ZIM2: variants seen among roughly 807,000 people sequenced by gnomAD.
ZIM2 encodes zinc finger imprinted 2.
ZIM2 carries 14 observed loss-of-function variants against 38.6 expected under a neutral mutation model. The ratio of observed to expected loss-of-function variants is 0.36; its 90% CI spans 0.24 to 0.57. ZIM2 has a LOEUF of 0.57. Ranked by LOEUF, ZIM2 falls within the 20% of genes least tolerant of loss-of-function variation. The pLI is 0.81. For synonymous variants in ZIM2, 247 were observed against 245.8 expected (o/e 1.00, Z -0.04); for missense variants, 680 against 695.1 (o/e 0.98, Z 0.24).
intron 8 of ZIM2, 137 bp from the exon 9 acceptor site, chr19:56,817,975 T>G: frequency 1.5e-6 from 1 of 661,852 alleles, no homozygotes; most frequent in East Asian, 2.7e-5. Flanking sequence ...CAGAAGACAT[T>G]TGCTGTCTCA....
intron 9 of ZIM2, among the ~76,000 whole-genome samples, chr19:56,796,615 C>T (rs746727228): frequency 6.6e-6 from 1 of 152,180 alleles, no homozygotes; most frequent in Non-Finnish European, 1.5e-5. Context: ...GCTGCTCACC[C>T]ATGGACAACT....
chr19:56,796,596 T>C (rs563875289), intron 9 of ZIM2, among the ~76,000 whole-genome samples: 1 of 152,276 alleles, frequency 6.6e-6, no homozygotes, highest in South Asian at 2.1e-4. Context: ...AAGCAAAGCT[T>C]ACCCTCTGGC....
At chr19:56,838,376 C>G (rs1224100568) in intron 1 of ZIM2, among the ~76,000 whole-genome samples, 1 of 152,184 alleles carries the variant, frequency 6.6e-6, no homozygotes, top group Non-Finnish European at 1.5e-5. Context: ...GTGGCTAGCA[C>G]AGACAGTACC....
At position 56,802,873 on chromosome 19, in the gene ZIM2, C is replaced by T. The variant is rs193148172; in HGVS notation, c.491-12922G>A. Among the ~76,000 whole-genome samples, 338 of 152,310 alleles carry T rather than the reference C, an allele frequency of 2.2e-3. 2 individuals are homozygous for T. Among genetic ancestry groups the T allele is most frequent in the African/African-American group, 7.3e-3 (302 of 41,572 alleles). On this transcript the variant is annotated intron_variant, in intron 9 of 12. Transcript: ENST00000629319. ...TTCCAAAAGCTAAAAACCCAGCTCA[C>T]GAGAGACCCAGAATTAGCCCTACCT...
In ZIM2 at chr19:56,830,716, T is replaced by C. The variant is rs578061279; in HGVS notation, c.-226-4253A>G. On this transcript the variant is annotated intron_variant, in intron 2 of 12. Transcript: ENST00000629319. The stretch of plus-strand genomic sequence containing the variant: ...AGCAAAACAAATAAATAAATCTCCA[T>C]AAATAAATTTAACAAAGTTACCTGC... Among the ~76,000 whole-genome samples, 16 of 152,252 alleles carry C rather than the reference T, an allele frequency of 1.1e-4. No individual in the cohort carries two copies. The South Asian group carries it at 1.2e-3, about 12-fold the overall frequency.
In ZIM2 at chr19:56,818,640, G is replaced by C; in HGVS notation, c.357C>G (p.Ile119Met). Residue 119 changes from isoleucine (I) to methionine (M), a missense_variant, in exon 8 of 13, where the codon ATC (isoleucine) becomes ATG (methionine). Ile to Met is a conservative substitution (Grantham distance 10). Coordinates refer to ENST00000629319, the MANE Select transcript of ZIM2 (RefSeq NM_001387356.1). Reference protein sequence around the residue: ...LAEDRKPHNTIQDNMENYRKL... With the variant: ...LAEDRKPHNTMQDNMENYRKL... ...TCCTGTAGTTTTCCATGTTGTCCTG[G>C]ATTGTGTTGTGAGGTTTCCTGTCCT... 6.2e-7 allele frequency: 1 copy of C among 1,614,140 alleles called. No individual in the cohort carries two copies. Among genetic ancestry groups the C allele is most frequent in the Non-Finnish European group, 8.5e-7 (1 of 1,180,040 alleles).
At chr19:56,781,149 G>A (rs966429775) in intron 11 of ZIM2, among the ~76,000 whole-genome samples, 7 of 152,142 alleles carry the variant, frequency 4.6e-5, no homozygotes, top group Admixed American at 3.9e-4. Flanking sequence ...CCTTGTAACC[G>A]ATAAGAACCA....
At chr19:56,791,891 C>T (rs2046948874) in intron 9 of ZIM2, among the ~76,000 whole-genome samples, 2 of 152,124 alleles carry the variant, frequency 1.3e-5, no homozygotes, top group Non-Finnish European at 2.9e-5. Flanking sequence ...CTTTGTATCT[C>T]CCACATTTTA....
rs989897134 is a variant in ZIM2, at chr19:56,774,730, T to C, written c.1635A>G (p.Gln545=). 33 of 1,613,742 alleles carry C rather than the reference T, an allele frequency of 2.0e-5. No homozygotes were observed. Among genetic ancestry groups the C allele is most frequent in the Middle Eastern group, 1.6e-4 (1 of 6,082 alleles). ...GRPSYLTQHY[Q]LHSQEKTVEC... ...CAACAGTTTTCTCTTGAGAATGGAG[T>C]TGATAATGTTGAGTGAGGTATGAGG... The change falls in exon 13 of 13, where the codon CAA becomes CAG. Residue 545 remains glutamine (Q), a synonymous_variant. Transcript: ENST00000629319.
At chr19:56,775,657 G>GAA in intron 12 of ZIM2, 128 bp from the exon 13 acceptor site, 45 of 1,091,482 alleles carry the variant, frequency 4.1e-5, no homozygotes, top group South Asian at 1.2e-4. Flanking sequence ...TTCCTAATCT[G>GAA]AAAAAAAAAA....
intron 9 of ZIM2, among the ~76,000 whole-genome samples, chr19:56,795,055 T>TC (rs1426011826): frequency 6.6e-6 from 1 of 152,140 alleles, no homozygotes; most frequent in Non-Finnish European, 1.5e-5. Flanking sequence ...TTTTTTCTTT[T>TC]CTTTTTTTTC....
rs974542965 is a variant in ZIM2, at chr19:56,775,079, T to G, written c.1286A>C (p.Asn429Thr). 1.2e-6 allele frequency: 2 copies of G among 1,614,034 alleles called. No homozygotes were observed. The highest frequency in any genetic ancestry group is 1.7e-5 in the Admixed American group (1 of 60,004). Residue 429 changes from asparagine to threonine, a missense_variant, in exon 13 of 13, where the codon AAT becomes ACT. Physicochemically the swap from Asn to Thr is moderately conservative, Grantham distance 65. Transcript: ENST00000629319. Reference sequence around the variant, plus strand: ...GTGAATTCTTACACGTTCACAGAGATTCGCACACTGGACGGAAGGCTTTCT... The same window carrying G: ...GTGAATTCTTACACGTTCACAGAGAGTCGCACACTGGACGGAAGGCTTTCT... ...EGRKPSVQCA[N>T]LCERVRIHSQ...
chr19:56,823,909 C>G (rs969838803), intron 4 of ZIM2, among the ~76,000 whole-genome samples: 3 of 152,138 alleles, frequency 2.0e-5, no homozygotes, highest in Non-Finnish European at 4.4e-5. Flanking sequence ...CCCCCAGACA[C>G]AAACAGCCAG....
chr19:56,803,265 G>A (rs1215893765), intron 9 of ZIM2, among the ~76,000 whole-genome samples: 2 of 152,182 alleles, frequency 1.3e-5, no homozygotes, highest in East Asian at 1.9e-4. Context: ...TCTGAAGATG[G>A]TTACCTATCT....
In ZIM2 at chr19:56,822,779, C is replaced by A; in HGVS notation, c.164G>T (p.Trp55Leu). 1.2e-6 allele frequency: 2 copies of A among 1,614,140 alleles called. No individual in the cohort carries two copies. Among genetic ancestry groups the A allele is most frequent in the Non-Finnish European group, 1.7e-6 (2 of 1,180,034 alleles). ...GCTTCTTGGGTTCCTGGTGTGGGAC[C>A]AGCGGTCTCGTGGCTCCATGTCTCT... is the stretch of plus-strand genomic sequence containing the variant. ...RSRDMEPRDRWSHTRNPRSRM... is the reference protein window; with the variant it reads ...RSRDMEPRDRLSHTRNPRSRM... Residue 55 changes from tryptophan (W) to leucine (L), a missense_variant, in exon 6 of 13, where the codon TGG becomes TTG. Trp to Leu is a moderately conservative substitution (Grantham distance 61, BLOSUM62 -2). Coordinates refer to ENST00000629319, the MANE Select transcript of ZIM2 (RefSeq NM_001387356.1).
intron 9 of ZIM2, chr19:56,815,676 G>C (rs200041700): frequency 1.2e-6 from 2 of 1,614,046 alleles, no homozygotes; most frequent in Admixed American, 1.7e-5. Context: ...TGGGAACAGA[G>C]AATTCGCCAT....
intron 2 of ZIM2, chr19:56,833,216 C>T (rs780734763): frequency 9.8e-6 from 5 of 510,404 alleles, no homozygotes; most frequent in Non-Finnish European, 1.2e-5. Flanking sequence ...CTCCTTCAGT[C>T]CCATTTCTAT....
chr19:56,817,648 G>T, intron 9 of ZIM2, 98 bp downstream of exon 9: 1 of 1,503,644 alleles, frequency 6.7e-7, no homozygotes, highest in Non-Finnish European at 9.2e-7. Flanking sequence ...TTGGAGGGGT[G>T]CACCCTTCTG....
At chr19:56,779,320 T>C (rs990202257) in intron 12 of ZIM2, 57 bp downstream of exon 12, 1 of 1,585,388 alleles carries the variant, frequency 6.3e-7, no homozygotes, top group Non-Finnish European at 8.6e-7. Context: ...GAAAGCTCTC[T>C]GACTAGCATT....
Sources: gnomAD v4.1 joint callset for allele counts (sites outside exome capture counted in the v4.1 genomes callset) on GRCh38, gnomAD v4.1.1 for gene constraint, MANE v1.5 for transcripts, NCBI Gene and HGNC (gene_info 2026-07-23, HGNC 2026-07-21) for gene names.